CNGB1: variants seen among roughly 807,000 people sequenced by gnomAD.
CNGB1 encodes the protein cyclic nucleotide gated channel subunit beta 1.
In CNGB1, 126 loss-of-function variants were observed where a neutral mutation model predicts 151.7. The ratio of observed to expected loss-of-function variants is 0.83; its 90% CI spans 0.72 to 0.96. The LOEUF (loss-of-function observed/expected upper bound fraction) is 0.96. Ranked by LOEUF, CNGB1 falls within the 40% of genes least tolerant of loss-of-function variation. The pLI is 0.00. For missense variants in CNGB1, 1,698 were observed against 1,627.0 expected, an observed-to-expected ratio of 1.04 and a Z score of -0.75; for synonymous variants, 623 against 635.1, an observed-to-expected ratio of 0.98 and a Z score of 0.29.
In CNGB1 at chr16:57,907,338, GCT is replaced by G. The variant is rs373107062; in HGVS notation, c.2493-2465_2493-2464del. 1.9e-3 allele frequency among the ~76,000 whole-genome samples: 294 copies of G among 152,284 alleles called. 1 individual carries two copies. The highest frequency in any genetic ancestry group is 5.9e-3 in the African/African-American group (245 of 41,538). On this transcript the variant is annotated intron_variant, in intron 25 of 32. Coordinates refer to ENST00000251102, the MANE Select transcript of CNGB1 (RefSeq NM_001297.5). ...CCCTTTGAGAATCTAGAGAAAGCCA[GCT>G]CTCTTTCCCTAGAAAAGCCAACATA...
intron 31 of CNGB1, among the ~76,000 whole-genome samples, chr16:57,895,970 T>TGAATA (rs1409133806): frequency 6.6e-6 from 1 of 152,018 alleles, no homozygotes; most frequent in Non-Finnish European, 1.5e-5. Flanking sequence ...CATTGAGAAA[T>TGAATA]GAATAAACAA....
At chr16:57,917,497 G>A (rs769039322) in intron 20 of CNGB1, 21 bp from the exon 21 acceptor site, 7 of 1,611,954 alleles carry the variant, frequency 4.3e-6, no homozygotes, top group Non-Finnish European at 5.9e-6. Context: ...GGTTGACGGG[G>A]ACGCTAGAGC....
intron 18 of CNGB1, among the ~76,000 whole-genome samples, chr16:57,920,818 T>C (rs1206463430): frequency 2.0e-5 from 3 of 152,180 alleles, no homozygotes; most frequent in African/African-American, 7.2e-5. Context: ...GGAAAAAGCG[T>C]GACTCCACTT....
chr16:57,927,649 A>T (rs556635742), intron 17 of CNGB1, among the ~76,000 whole-genome samples: 1 of 152,340 alleles, frequency 6.6e-6, no homozygotes, highest in East Asian at 1.9e-4. Flanking sequence ...TGACAGGGAC[A>T]AGAGGAGCCT....
intron 14 of CNGB1, among the ~76,000 whole-genome samples, chr16:57,942,528 G>A (rs1232511471): frequency 1.3e-5 from 2 of 152,128 alleles, no homozygotes; most frequent in African/African-American, 2.4e-5. Flanking sequence ...TCAAGAAGGT[G>A]ACAGAACCAT....
chr16:57,939,493 G>GCTCCTTTTCAGC lies in CNGB1; in HGVS notation c.1297_1308dup (p.Ala433_Glu436dup). 5.6e-6 allele frequency: 9 copies of GCTCCTTTTCAGC among 1,613,984 alleles called. No individual in the cohort carries two copies. The highest frequency in any genetic ancestry group is 7.6e-6 in the Non-Finnish European group (9 of 1,179,944). On this transcript the variant is annotated inframe_insertion, in exon 16 of 33. Transcript: ENST00000251102. ...TCCTTGGTCTCCGCCCAGTCCTGGG[G>GCTCCTTTTCAGC]CTCCTTTTCAGCCTCCTCTTCAGCC...
intron 12 of CNGB1, chr16:57,955,113 C>T: frequency 7.0e-7 from 1 of 1,420,684 alleles, no homozygotes; most frequent in Non-Finnish European, 9.2e-7. Flanking sequence ...TGCAGGCTGC[C>T]CATGGCTGGC....
chr16:57,935,652 CA>C (rs1456158122), intron 16 of CNGB1, among the ~76,000 whole-genome samples: 11 of 150,236 alleles, frequency 7.3e-5, no homozygotes, highest in South Asian at 2.1e-4. Flanking sequence ...CGTCCCCCCC[CA>C]AAAAAAAATA....
intron 13 of CNGB1, among the ~76,000 whole-genome samples, chr16:57,950,141 C>G (rs753304999): frequency 6.6e-5 from 10 of 151,538 alleles, no homozygotes; most frequent in Non-Finnish European, 1.2e-4. Context: ...GCTATGCCAT[C>G]TTCTGTACAA....
At chr16:57,894,849 G>A (rs1960180994) in intron 31 of CNGB1, among the ~76,000 whole-genome samples, 1 of 152,098 alleles carries the variant, frequency 6.6e-6, no homozygotes, top group Admixed American at 6.5e-5. Context: ...GGTGGCAGGA[G>A]CCCTAAATGG....
At chr16:57,886,072 T>G (rs1567360101) in intron 32 of CNGB1, among the ~76,000 whole-genome samples, 1 of 152,156 alleles carries the variant, frequency 6.6e-6, no homozygotes, top group Non-Finnish European at 1.5e-5. Flanking sequence ...TGCCTGATCT[T>G]TATGACCTCA....
intron 21 of CNGB1, 123 bp downstream of exon 21, chr16:57,917,145 G>C: frequency 2.4e-6 from 2 of 833,940 alleles, no homozygotes; most frequent in Non-Finnish European, 4.0e-6. Context: ...CACAGCAGCC[G>C]TTCTTGAGAT....
chr16:57,898,142 TG>T (rs761743696), intron 29 of CNGB1, among the ~76,000 whole-genome samples: 1 of 152,138 alleles, frequency 6.6e-6, no homozygotes, highest in Non-Finnish European at 1.5e-5. Flanking sequence ...CCTCCATAAC[TG>T]ACAGGGTTGC....
At chr16:57,900,963 G>A (rs1178068135) in intron 29 of CNGB1, among the ~76,000 whole-genome samples, 1 of 151,976 alleles carries the variant, frequency 6.6e-6, no homozygotes. Flanking sequence ...CCATTTTCCT[G>A]ATGGGAAGAT....
At chr16:57,889,439 C>T (rs556358570) in intron 31 of CNGB1, among the ~76,000 whole-genome samples, 2 of 152,302 alleles carry the variant, frequency 1.3e-5, no homozygotes, top group East Asian at 3.9e-4. Context: ...AACTGAATTA[C>T]ACCAACAACC....
intron 10 of CNGB1, 71 bp from the exon 11 acceptor site, chr16:57,958,556 C>G: frequency 7.2e-7 from 1 of 1,383,870 alleles, no homozygotes; most frequent in Non-Finnish European, 1.0e-6. Context: ...GGAGTCAGCT[C>G]GTTCCCAAGG....
At position 57,912,987 on chromosome 16, in the gene CNGB1, G is replaced by T. The variant is rs1292671605; in HGVS notation, c.2312C>A (p.Ala771Asp). 2 of 1,613,976 alleles carry T rather than the reference G, an allele frequency of 1.2e-6. No individual in the cohort carries two copies. Among genetic ancestry groups the T allele is most frequent in the East Asian group, 4.5e-5 (2 of 44,882 alleles). The change falls in exon 24 of 33, where the codon GCC (alanine) becomes GAC (aspartate). Residue 771 changes from alanine to aspartate, a missense_variant. Coordinates refer to ENST00000251102, the MANE Select transcript of CNGB1 (RefSeq NM_001297.5). The part of the protein sequence containing the change: ...LRLPRCLKYM[A>D]FFEFNSRLES... Reference sequence around the variant, plus strand: ...CAGGCGGCTGTTAAACTCGAAGAAGGCCATGTACTGGAGGGAGAGGAGGGC... The same window carrying T: ...CAGGCGGCTGTTAAACTCGAAGAAGTCCATGTACTGGAGGGAGAGGAGGGC...
chr16:57,926,920 C>T (rs1450749120), intron 17 of CNGB1, among the ~76,000 whole-genome samples: 2 of 151,748 alleles, frequency 1.3e-5, no homozygotes, highest in Non-Finnish European at 2.9e-5. Flanking sequence ...GCAGAGGTTG[C>T]AGTGAGCTGA....
At chr16:57,892,932 C>T (rs1247335655) in intron 31 of CNGB1, among the ~76,000 whole-genome samples, 3 of 152,194 alleles carry the variant, frequency 2.0e-5, no homozygotes, top group African/African-American at 7.2e-5. Flanking sequence ...TGTGTTTCCT[C>T]GTAGCCAGAC....
Sources: gnomAD v4.1 joint callset for allele counts (sites outside exome capture counted in the v4.1 genomes callset) on GRCh38, gnomAD v4.1.1 for gene constraint, MANE v1.5 for transcripts, NCBI Gene and HGNC (gene_info 2026-07-23, HGNC 2026-07-21) for gene names.